Variants in PSCA observed in about 807,000 individuals in gnomAD.
PSCA encodes prostate stem cell antigen.
A neutral mutation model predicts 7.9 loss-of-function variants in PSCA; 7 were observed. That is an observed-to-expected ratio of 0.89 (90% CI 0.51 to 1.67). PSCA has a LOEUF of 1.67. Ranked by LOEUF, PSCA falls within the 40% of genes most tolerant of loss-of-function variation. PSCA has a pLI of 0.00. For missense variants in PSCA, 151 were observed against 147.9 expected, an observed-to-expected ratio of 1.02 and a Z score of -0.11; for synonymous variants, 61 against 68.3, an observed-to-expected ratio of 0.89 and a Z score of 0.53.
At chr8:142,675,633 C>T (rs780239621), upstream of PSCA, among the ~76,000 whole-genome samples, 4 of 152,218 alleles carry the variant, frequency 2.6e-5, no homozygotes, top group Non-Finnish European at 5.9e-5. Context: ...CACATTTGAT[C>T]CACATGCACA....
chr8:142,682,457 T>G lies in PSCA; in HGVS notation c.*325T>G. 1 of 602,284 alleles carries G rather than the reference T, an allele frequency of 1.7e-6. No homozygotes were observed. The allele number at this position is 602,284 out of a possible 1,614,324, so 37.3% of individuals were successfully genotyped here. A position where few individuals can be genotyped will look rare whatever the true frequency, so the allele number is the denominator to read the frequency against. On this transcript the variant is annotated 3_prime_UTR_variant, in exon 3 of 3. Transcript: ENST00000301258. ...ACCTCTTCCCCCAGGAAGCCTTCCCTGCCCACCCCATCTATGACTTGAGCC... is the reference window on the plus strand; with the variant it reads ...ACCTCTTCCCCCAGGAAGCCTTCCCGGCCCACCCCATCTATGACTTGAGCC...
intron 1 of PSCA, among the ~76,000 whole-genome samples, chr8:142,670,985 C>A (rs587775449): frequency 6.6e-6 from 1 of 152,294 alleles, no homozygotes; most frequent in South Asian, 2.1e-4. Context: ...TAAGTCACTT[C>A]TAGATTACTT....
chr8:142,681,819 G>T (rs1481841960), intron 2 of PSCA, 102 bp from the exon 3 acceptor site: 3 of 829,352 alleles, frequency 3.6e-6, no homozygotes, highest in Admixed American at 5.6e-5. Context: ...AGCCCAGGGG[G>T]ACTCTAGAGC....
chr8:142,677,994 G>C (rs1174818697), upstream of PSCA, among the ~76,000 whole-genome samples: 1 of 152,066 alleles, frequency 6.6e-6, no homozygotes, highest in Non-Finnish European at 1.5e-5. Context: ...AGGGAGGTCG[G>C]GTCTTGCATC....
intron 1 of PSCA, 33 bp downstream of exon 1, chr8:142,680,596 G>A (rs1554638209): frequency 6.4e-7 from 1 of 1,552,760 alleles, no homozygotes; most frequent in East Asian, 2.4e-5. Context: ...GCAGGGAAGG[G>A]AGCAGGGGTG....
At chr8:142,674,308 A>C (rs587660848) in intron 1 of PSCA, among the ~76,000 whole-genome samples, 17 of 143,906 alleles carry the variant, frequency 1.2e-4, no homozygotes, top group South Asian at 6.8e-4. Flanking sequence ...GTTTCAGTCT[A>C]ACCTCAGCAG....
At chr8:142,677,290 G>A (rs997611238), upstream of PSCA, among the ~76,000 whole-genome samples, 21 of 152,326 alleles carry the variant, frequency 1.4e-4, no homozygotes, top group African/African-American at 5.1e-4. Flanking sequence ...CCTCAGTGCG[G>A]CGGATGCTGG....
rs1814674887 is a variant in PSCA, at chr8:142,682,601, T to C, written c.*469T>C. 14 of 366,708 alleles carry C rather than the reference T, an allele frequency of 3.8e-5. No homozygotes were observed. Among genetic ancestry groups the C allele is most frequent in the Non-Finnish European group, 7.7e-5 (14 of 182,778 alleles). The allele number at this position is 366,708 out of a possible 1,614,324, so 22.7% of individuals were successfully genotyped here. A position where few individuals can be genotyped will look rare whatever the true frequency, so the allele number is the denominator to read the frequency against. ...GAGGACAGGAGTCGACGTGAGTTCC[T>C]GGGAGTCTCCAGAGATGGGGCCTGG... On this transcript the variant is annotated 3_prime_UTR_variant, in exon 3 of 3. Transcript: ENST00000301258.
At chr8:142,674,380 A>T (rs368063832) in intron 1 of PSCA, among the ~76,000 whole-genome samples, 14 of 140,682 alleles carry the variant, frequency 1.0e-4, no homozygotes, top group East Asian at 2.2e-4. Context: ...GTCTAACCTC[A>T]GCAGAGCTCA....
chr8:142,675,563 AAC>A (rs1315120099), upstream of PSCA, among the ~76,000 whole-genome samples: 1 of 152,178 alleles, frequency 6.6e-6, no homozygotes, highest in Non-Finnish European at 1.5e-5. Context: ...TTGCTTACAC[AAC>A]ACACAACCGG....
chr8:142,674,490 C>T (rs984495673), intron 1 of PSCA, among the ~76,000 whole-genome samples: 5 of 152,238 alleles, frequency 3.3e-5, no homozygotes, highest in South Asian at 2.1e-4. Context: ...GGTGGCCTTT[C>T]GTTAGCTTTA....
At chr8:142,676,418 G>A (rs1847402313), upstream of PSCA, 1 of 152,274 alleles carries the variant, frequency 6.6e-6, no homozygotes, top group African/African-American at 2.4e-5. Flanking sequence ...AGGGTCTCCT[G>A]GGACAGGAAG....
Position 142,682,162 on chromosome 8 carries a change from T to G in PSCA, c.*30T>G. 6.3e-7 allele frequency: 1 copy of G among 1,576,430 alleles called. No homozygotes were observed. The highest frequency in any genetic ancestry group is 2.3e-5 in the East Asian group (1 of 43,822). On this transcript the variant is annotated 3_prime_UTR_variant, in exon 3 of 3. Coordinates refer to ENST00000301258, the MANE Select transcript of PSCA (RefSeq NM_005672.5). ...TGGGGGGCCCCGCTGCAGCCCACACTGGGTGTGGTGCCCCAGGCCTCTGTG... is the reference window on the plus strand; with the variant it reads ...TGGGGGGCCCCGCTGCAGCCCACACGGGGTGTGGTGCCCCAGGCCTCTGTG...
Position 142,680,514 on chromosome 8 carries a change from G to A in PSCA, c.-25G>A, listed in dbSNP as rs782796235. ...TCCACCACAGCCCACCAGTGACCAC[G>A]AAGGCTGTGCTGCTTGCCCTGTTGA... On this transcript the variant is annotated 5_prime_UTR_variant, in exon 1 of 3. Coordinates refer to ENST00000301258, the MANE Select transcript of PSCA (RefSeq NM_005672.5). 1.6e-4 allele frequency: 247 copies of A among 1,553,092 alleles called. No individual in the cohort carries two copies. Among genetic ancestry groups the A allele is most frequent in the Non-Finnish European group, 2.1e-4 (237 of 1,147,858 alleles).
At position 142,681,941 on chromosome 8, in the gene PSCA, G is replaced by C; in HGVS notation, c.154G>C (p.Val52Leu). Residue 52 changes from valine to leucine, a missense_variant, in exon 3 of 3, where the codon GTC becomes CTC. Physicochemically the swap from Val to Leu is conservative, Grantham distance 32. Transcript: ENST00000301258. ...ARIRAVGLLT[V>L]ISKGCSLNCV... is the part of the protein sequence containing the mutation. ...CCCAGGCGCAGTTGGCCTCCTGACC[G>C]TCATCAGCAAAGGCTGCAGCTTGAA... The C allele has an allele frequency of 1.9e-6, 3 of 1,562,724 alleles. No individual in the cohort carries two copies. Among genetic ancestry groups the C allele is most frequent in the Non-Finnish European group, 2.6e-6 (3 of 1,151,236 alleles).
At chr8:142,681,143 CAG>C (rs1485905193) in intron 1 of PSCA, 182 bp from the exon 2 acceptor site, 11 of 578,840 alleles carry the variant, frequency 1.9e-5, no homozygotes, top group African/African-American at 5.6e-5. Context: ...AGGGACTAAA[CAG>C]GGCAACATTT....
At chr8:142,680,279 C>T (rs587690854), upstream of PSCA, 33 of 540,070 alleles carry the variant, frequency 6.1e-5, no homozygotes, top group Admixed American at 5.2e-4. Flanking sequence ...GCCCTCAGCC[C>T]GGGGTGGCTG....
At chr8:142,677,681 G>T (rs117262324), upstream of PSCA, among the ~76,000 whole-genome samples, 44 of 152,126 alleles carry the variant, frequency 2.9e-4, 1 homozygote, top group East Asian at 8.2e-3. Flanking sequence ...ACTGTATGAG[G>T]CCCCTTGTCC....
exon 1 of PSCA, chr8:142,670,537 G>A (rs1398108975): frequency 6.6e-6 from 1 of 152,266 alleles, no homozygotes; most frequent in Non-Finnish European, 1.5e-5. Flanking sequence ...CAGACGATGG[G>A]ATTTGAAACT....
Sources: allele counts gnomAD v4.1 joint callset (sites outside exome capture counted in the v4.1 genomes callset), GRCh38; gene constraint gnomAD v4.1.1; transcripts MANE v1.5; gene names NCBI Gene and HGNC (gene_info 2026-07-23, HGNC 2026-07-21).